Variants in SEPTIN7 observed in about 807,000 individuals in gnomAD.
The protein encoded by SEPTIN7 is septin-7.
In SEPTIN7, 10 loss-of-function variants were observed where a neutral mutation model predicts 63.3. That is an observed-to-expected ratio of 0.16 (90% CI 0.10 to 0.27). The LOEUF is 0.27. SEPTIN7 is among the 10% of genes least tolerant of loss of function. The pLI, the probability that SEPTIN7 is intolerant of heterozygous loss-of-function variation, is 1.00. For missense variants in SEPTIN7, 310 were observed against 521.0 expected, an observed-to-expected ratio of 0.59 and a Z score of 3.94; for synonymous variants, 131 against 165.3, an observed-to-expected ratio of 0.79 and a Z score of 1.59.
intron 4 of SEPTIN7, among the ~76,000 whole-genome samples, chr7:35,867,304 A>C (rs1473566219): frequency 6.6e-6 from 1 of 152,186 alleles, no homozygotes; most frequent in African/African-American, 2.4e-5. Context: ...ATGTATGTTA[A>C]CAGTTAACCG....
At chr7:35,895,665 G>T (rs1388053540) in intron 11 of SEPTIN7, among the ~76,000 whole-genome samples, 1 of 152,144 alleles carries the variant, frequency 6.6e-6, no homozygotes, top group Admixed American at 6.6e-5. Context: ...AATAATTTGT[G>T]AAAGCTATGC....
chr7:35,872,789 A>G (rs925056019), intron 5 of SEPTIN7, 23 bp downstream of exon 5: 13 of 1,505,114 alleles, frequency 8.6e-6, no homozygotes, highest in African/African-American at 2.7e-5. Flanking sequence ...TGTCCTCACA[A>G]CTTTGCAGTG....
chr7:35,865,023 A>ATT (rs371698605), intron 4 of SEPTIN7, among the ~76,000 whole-genome samples: 29 of 143,478 alleles, frequency 2.0e-4, no homozygotes, highest in South Asian at 6.6e-4. Context: ...CTATTTTAGG[A>ATT]TTTTTTTTTT....
chr7:35,902,717 C>G (rs1411023999), intron 12 of SEPTIN7: 10 of 161,406 alleles, frequency 6.2e-5, no homozygotes, highest in Non-Finnish European at 1.1e-4. Flanking sequence ...ACTGTTTCCT[C>G]ATCTGTACAA....
chr7:35,860,000 C>T (rs1785417720), intron 3 of SEPTIN7, among the ~76,000 whole-genome samples: 1 of 152,014 alleles, frequency 6.6e-6, no homozygotes, highest in Non-Finnish European at 1.5e-5. Context: ...GAAGAACTAA[C>T]TTGCCATTTT....
At chr7:35,873,289 A>G (rs1786268567) in intron 5 of SEPTIN7, among the ~76,000 whole-genome samples, 1 of 152,014 alleles carries the variant, frequency 6.6e-6, no homozygotes, top group South Asian at 2.1e-4. Context: ...TCCCAAGTTC[A>G]CCATGAAGTT....
At chr7:35,818,541 A>G (rs1482787606) in intron 1 of SEPTIN7, among the ~76,000 whole-genome samples, 2 of 152,024 alleles carry the variant, frequency 1.3e-5, no homozygotes, top group African/African-American at 4.8e-5. Context: ...TACAACCTTT[A>G]AACATTTGAT....
At chr7:35,813,333 A>G (rs1362282875) in intron 1 of SEPTIN7, among the ~76,000 whole-genome samples, 1 of 151,152 alleles carries the variant, frequency 6.6e-6, no homozygotes, top group African/African-American at 2.4e-5. Flanking sequence ...ACCTTTTCCT[A>G]CTTACAAATG....
intron 1 of SEPTIN7, among the ~76,000 whole-genome samples, chr7:35,818,691 T>G (rs1194751620): frequency 6.6e-6 from 1 of 152,040 alleles, no homozygotes; most frequent in South Asian, 2.1e-4. Flanking sequence ...TTGAGTCAGT[T>G]TTGGTAGTTT....
At chr7:35,805,243 A>G (rs911282213) in intron 1 of SEPTIN7, among the ~76,000 whole-genome samples, 6 of 152,226 alleles carry the variant, frequency 3.9e-5, no homozygotes, top group East Asian at 3.8e-4. Flanking sequence ...TGTGACTGCT[A>G]TGACATCACA....
At chr7:35,890,445 TCA>T (rs1172901308) in intron 10 of SEPTIN7, 11 of 275,854 alleles carry the variant, frequency 4.0e-5, no homozygotes, top group Non-Finnish European at 7.3e-5. Context: ...TCTTAAAATG[TCA>T]CTGGAATCTA....
chr7:35,873,805 T>G (rs952897712), intron 6 of SEPTIN7, 30 bp downstream of exon 6: 5 of 1,601,716 alleles, frequency 3.1e-6, no homozygotes, highest in Middle Eastern at 2.3e-4. Context: ...TGATTCCTTT[T>G]TTGTTGTTGT....
At chr7:35,822,054 C>T (rs1392955086) in intron 1 of SEPTIN7, among the ~76,000 whole-genome samples, 6 of 150,850 alleles carry the variant, frequency 4.0e-5, no homozygotes, top group South Asian at 2.1e-4. Context: ...GGATTACAGG[C>T]GTGAGCCACC....
At chr7:35,867,642 G>T (rs986121704) in intron 4 of SEPTIN7, among the ~76,000 whole-genome samples, 37 of 152,018 alleles carry the variant, frequency 2.4e-4, no homozygotes, top group African/African-American at 8.2e-4. Flanking sequence ...GAGCCACCAC[G>T]CCTGGCCTGC....
chr7:35,914,177 G>A, the SEPTIN7 span, among the ~76,000 whole-genome samples: 1 of 152,016 alleles, frequency 6.6e-6, no homozygotes, highest in African/African-American at 2.4e-5. Context: ...GATAAAAGCA[G>A]GTCATATGCT....
At chr7:35,827,750 C>G (rs1232334587) in intron 1 of SEPTIN7, among the ~76,000 whole-genome samples, 1 of 152,128 alleles carries the variant, frequency 6.6e-6, no homozygotes, top group Non-Finnish European at 1.5e-5. Flanking sequence ...CTCGGTCTCC[C>G]AAAATGCTAG....
chr7:35,812,253 T>C (rs1052276669), intron 1 of SEPTIN7, among the ~76,000 whole-genome samples: 11 of 151,710 alleles, frequency 7.3e-5, no homozygotes, highest in African/African-American at 2.7e-4. Context: ...TACTTGTTTG[T>C]GTTAGTGCAT....
chr7:35,912,111 G>A, the SEPTIN7 span, among the ~76,000 whole-genome samples: 4 of 152,156 alleles, frequency 2.6e-5, no homozygotes, highest in East Asian at 7.7e-4. Flanking sequence ...CAAAGAAGGG[G>A]GACATATTGG....
chr7:35,910,748 A>G (rs1341774891), downstream of SEPTIN7, among the ~76,000 whole-genome samples: 1 of 152,236 alleles, frequency 6.6e-6, no homozygotes, highest in East Asian at 1.9e-4. Flanking sequence ...TGAATCTAGC[A>G]TTATTAACTT....
Sources: gnomAD v4.1 joint callset for allele counts (sites outside exome capture counted in the v4.1 genomes callset) on GRCh38, gnomAD v4.1.1 for gene constraint, MANE v1.5 for transcripts, NCBI Gene and HGNC (gene_info 2026-07-23, HGNC 2026-07-21) for gene names.